DNAH7: variants seen among roughly 807,000 people sequenced by gnomAD.
DNAH7 encodes the protein axonemal beta dynein heavy chain 7.
In DNAH7, 397 loss-of-function variants were observed where a neutral mutation model predicts 444.6. The observed-to-expected ratio is 0.89, with a 90% CI of 0.82 to 0.97. DNAH7 has a LOEUF of 0.97. DNAH7 is among the 50% of genes least tolerant of loss of function. DNAH7 has a pLI of 0.00. For synonymous variants in DNAH7, 1,636 were observed against 1,624.4 expected (o/e 1.01, Z -0.17); for missense variants, 4,902 against 4,800.8 (o/e 1.02, Z -0.62).
chr2:195,922,243 T>C (rs1277567333), intron 23 of DNAH7, 46 bp from the exon 24 acceptor site: 2 of 1,132,858 alleles, frequency 1.8e-6, no homozygotes, highest in East Asian at 2.5e-5. Context: ...AAATTGTAAA[T>C]AATATGAAAT....
rs542323953 is a variant in DNAH7 at position 195,840,567 on chromosome 2, A to C, written c.8945+4435T>G. 5.9e-5 allele frequency among the ~76,000 whole-genome samples: 9 copies of C among 151,902 alleles called. No individual in the cohort carries two copies. In the South Asian group the frequency reaches 1.4e-3, roughly 24 times the overall value. ...GAAAGTAGTAAGTTAAACTGTCACT[A>C]ATTGCAAACAGCATGATTGTCTACA... On this transcript the variant is annotated intron_variant, in intron 47 of 64. Coordinates refer to ENST00000312428, the MANE Select transcript of DNAH7 (RefSeq NM_018897.3).
chr2:195,876,281 A>G (rs1701048794), intron 37 of DNAH7, among the ~76,000 whole-genome samples: 1 of 152,226 alleles, frequency 6.6e-6, no homozygotes, highest in African/African-American at 2.4e-5. Flanking sequence ...CTGAATAAAA[A>G]TGTTAGTGAA....
At chr2:195,748,489 A>G (rs980811258) in intron 63 of DNAH7, among the ~76,000 whole-genome samples, 134 of 152,322 alleles carry the variant, frequency 8.8e-4, no homozygotes, top group African/African-American at 3.2e-3. Context: ...AAACTACTTT[A>G]AAGTTCATAT....
At chr2:196,030,928 C>T (rs1036266910) in intron 5 of DNAH7, among the ~76,000 whole-genome samples, 1 of 152,186 alleles carries the variant, frequency 6.6e-6, no homozygotes. Flanking sequence ...ATCTACCATG[C>T]TGGGGTCTGA....
At chr2:195,998,551 C>G (rs1046805860) in intron 12 of DNAH7, among the ~76,000 whole-genome samples, 1 of 144,826 alleles carries the variant, frequency 6.9e-6, no homozygotes, top group Non-Finnish European at 1.5e-5. Flanking sequence ...TGTAACAGAG[C>G]GAGACTCCAA....
At chr2:196,027,682 T>TA (rs758766181) in intron 6 of DNAH7, among the ~76,000 whole-genome samples, 12 of 152,192 alleles carry the variant, frequency 7.9e-5, no homozygotes, top group Admixed American at 4.6e-4. Flanking sequence ...TAATTTCTCA[T>TA]AAAAAAATTA....
chr2:196,045,306 G>GA (rs112529824), intron 5 of DNAH7, among the ~76,000 whole-genome samples: 36,501 of 146,800 alleles, frequency 0.25, 7,290 homozygotes, highest in African/African-American at 0.55. Context: ...AAAGAAAAAA[G>GA]AAAAAAAAGA....
At chr2:195,997,375 G>A (rs1693760852) in intron 12 of DNAH7, among the ~76,000 whole-genome samples, 1 of 152,114 alleles carries the variant, frequency 6.6e-6, no homozygotes, top group Non-Finnish European at 1.5e-5. Flanking sequence ...AGCTGGGCAT[G>A]GTGGCGCACA....
chr2:195,944,660 C>G (rs768477496), intron 19 of DNAH7, among the ~76,000 whole-genome samples: 1 of 152,026 alleles, frequency 6.6e-6, no homozygotes, highest in Non-Finnish European at 1.5e-5. Context: ...CTAGAAAGGC[C>G]ATGAATTAAA....
chr2:196,067,469 T>A (rs1281457955), intron 1 of DNAH7, among the ~76,000 whole-genome samples: 1 of 152,054 alleles, frequency 6.6e-6, no homozygotes, highest in African/African-American at 2.4e-5. Flanking sequence ...AACTTTTTGT[T>A]TTTTGCTTGT....
intron 17 of DNAH7, among the ~76,000 whole-genome samples, chr2:195,965,095 C>T (rs1404919106): frequency 6.6e-6 from 1 of 152,048 alleles, no homozygotes; most frequent in African/African-American, 2.4e-5. Context: ...TATGATACTA[C>T]CTGTGGGTCT....
intron 46 of DNAH7, among the ~76,000 whole-genome samples, chr2:195,850,371 C>T (rs1394770887): frequency 6.6e-6 from 1 of 151,622 alleles, no homozygotes; most frequent in African/African-American, 2.4e-5. Context: ...ATACCCAACA[C>T]CATTAAAACA....
rs142878118 is a variant in DNAH7 at position 195,766,165 on chromosome 2, T to C, written c.11433+5495A>G. Among the ~76,000 whole-genome samples the C allele has an allele frequency of 6.0e-3, 760 of 125,994 alleles. 10 individuals carry two copies. The highest frequency in any genetic ancestry group is 0.022 in the African/African-American group (726 of 33,658). The allele number at this position is 125,994 out of a possible 152,430, so 82.7% of individuals were successfully genotyped here. ...ATGTTCTCGTTTAATTTGTGGGAGC[T>C]AATTTTTTTTTTTTTTTTTTTTTTT... On this transcript the variant is annotated intron_variant, in intron 61 of 64. Coordinates refer to ENST00000312428, the MANE Select transcript of DNAH7 (RefSeq NM_018897.3).
intron 15 of DNAH7, among the ~76,000 whole-genome samples, chr2:195,980,078 A>G (rs1345932617): frequency 6.6e-6 from 1 of 151,020 alleles, no homozygotes; most frequent in African/African-American, 2.4e-5. Context: ...AAAAAAAAAA[A>G]AAAAAAAACT....
rs137991519 is a variant in DNAH7 at position 196,040,767 on chromosome 2, G to C, written c.398+6585C>G. 6.6e-4 allele frequency among the ~76,000 whole-genome samples: 101 copies of C among 152,110 alleles called. 1 individual carries two copies. The highest frequency in any genetic ancestry group is 1.2e-3 in the Admixed American group (19 of 15,284). On this transcript the variant is annotated intron_variant, in intron 5 of 64. Coordinates refer to ENST00000312428, the MANE Select transcript of DNAH7 (RefSeq NM_018897.3). The stretch of plus-strand genomic sequence containing the variant: ...AAAGGGCATCCTAATTGGAAAGGTA[G>C]AAGTCAAATTGTTCTTGTTTGCAAA...
intron 63 of DNAH7, among the ~76,000 whole-genome samples, chr2:195,748,094 T>C (rs1224272654): frequency 6.6e-6 from 1 of 152,216 alleles, no homozygotes; most frequent in African/African-American, 2.4e-5. Flanking sequence ...CCCCATTGTC[T>C]CAGCCCAAAA....
chr2:195,873,730 C>T lies in DNAH7; in HGVS notation c.6287-36G>A. 7 of 1,442,142 alleles carry T rather than the reference C, an allele frequency of 4.9e-6. 1 individual carries two copies. The Middle Eastern group carries it at 5.4e-4, about 111-fold the overall frequency. 89.3% of individuals were successfully genotyped at this position (1,442,142 alleles called of 1,614,324 possible). On this transcript the variant is annotated intron_variant, in intron 38 of 64. Coordinates refer to ENST00000312428, the MANE Select transcript of DNAH7 (RefSeq NM_018897.3). ...AAAAGTATAACTCTTAATAATGTTA[C>T]TAGTATATACAAGAGTATTTTCTCA... is the stretch of plus-strand genomic sequence containing the variant.
intron 17 of DNAH7, among the ~76,000 whole-genome samples, chr2:195,964,921 T>A (rs1380933637): frequency 1.3e-5 from 2 of 151,790 alleles, no homozygotes; most frequent in Admixed American, 1.3e-4. Flanking sequence ...AAGGAAAATA[T>A]GACTTCTTCC....
chr2:196,056,955 G>A (rs1026424353), intron 2 of DNAH7, among the ~76,000 whole-genome samples: 10 of 152,240 alleles, frequency 6.6e-5, no homozygotes, highest in African/African-American at 2.4e-4. Context: ...GAGGTGTGCA[G>A]AAAGGGTGAG....
Sources: allele counts gnomAD v4.1 joint callset (sites outside exome capture counted in the v4.1 genomes callset), GRCh38; gene constraint gnomAD v4.1.1; transcripts MANE v1.5; gene names NCBI Gene and HGNC (gene_info 2026-07-23, HGNC 2026-07-21).